Variants in CEP112 observed in about 807,000 individuals in gnomAD.
CEP112 encodes centrosomal protein of 112 kDa.
A neutral mutation model predicts 153.0 loss-of-function variants in CEP112; 127 were observed. The observed-to-expected ratio is 0.83, with a 90% confidence interval of 0.72 to 0.96. The LOEUF (loss-of-function observed/expected upper bound fraction) is 0.96, where lower values mean the gene tolerates loss of function less well. Among genes scored for constraint, CEP112 ranks in the 40% least tolerant of loss-of-function variants. CEP112 has a pLI of 0.00. For synonymous variants in CEP112, 358 were observed against 374.4 expected, an observed-to-expected ratio of 0.96 and a Z score of 0.51; for missense variants, 1,089 against 1,101.2, an observed-to-expected ratio of 0.99 and a Z score of 0.16.
chr17:65,638,935 C>A (rs751766522), intron 25 of CEP112, among the ~76,000 whole-genome samples: 2 of 152,166 alleles, frequency 1.3e-5, no homozygotes, highest in Middle Eastern at 6.8e-3. Context: ...CCTCTGAAGG[C>A]GTCAGGTCCT....
chr17:66,058,879 G>A (rs2066812734), intron 11 of CEP112, among the ~76,000 whole-genome samples: 1 of 151,804 alleles, frequency 6.6e-6, no homozygotes, highest in South Asian at 2.1e-4. Context: ...AAAGAACAAG[G>A]CCAGTGGGAA....
intron 17 of CEP112, among the ~76,000 whole-genome samples, chr17:65,986,776 G>A (rs2063424723): frequency 6.6e-6 from 1 of 152,102 alleles, no homozygotes; most frequent in African/African-American, 2.4e-5. Flanking sequence ...CCTAGAAACT[G>A]GGAACTTCAC....
intron 21 of CEP112, among the ~76,000 whole-genome samples, chr17:65,801,397 A>T (rs910049216): frequency 1.3e-5 from 2 of 152,220 alleles, no homozygotes; most frequent in Admixed American, 6.5e-5. Flanking sequence ...TTTGAAGTAC[A>T]AAAGTTTTTA....
At chr17:66,181,711 T>C (rs143679662) in intron 2 of CEP112, among the ~76,000 whole-genome samples, 1 of 152,244 alleles carries the variant, frequency 6.6e-6, no homozygotes, top group East Asian at 1.9e-4. Context: ...TTGAAATACA[T>C]TTACAATGAG....
chr17:66,089,759 T>A (rs2068067835), intron 8 of CEP112, among the ~76,000 whole-genome samples: 1 of 152,150 alleles, frequency 6.6e-6, no homozygotes, highest in Admixed American at 6.5e-5. Flanking sequence ...GTGTAGAAAG[T>A]TTATTTAAAC....
chr17:65,751,571 C>T lies in CEP112; in HGVS notation c.2395-847G>A, dbSNP rs113227617. Among the ~76,000 whole-genome samples, 929 of 152,228 alleles carry T rather than the reference C, an allele frequency of 6.1e-3. 12 individuals are homozygous for T. The highest frequency in any genetic ancestry group is 0.021 in the African/African-American group (871 of 41,528). On this transcript the variant is annotated intron_variant, in intron 21 of 26. Transcript: ENST00000535342. ...TCATGATTTCTCTCGTCTCTCTGTA[C>T]GTCTGTTTCTCTCCCTGAGTATGTC...
rs2068577353 is a variant in CEP112, at chr17:66,101,748, T to C, written c.643-5116A>G. Among the ~76,000 whole-genome samples, 2 of 152,090 alleles carry C rather than the reference T, an allele frequency of 1.3e-5. 1 individual carries two copies. The highest frequency in any genetic ancestry group is 4.1e-4 in the South Asian group (2 of 4,830). ...AGTCCAGTTAAATGGCAGTTTCTGATTACTGTATAGTTTAAATACATGCTG... is the reference window on the plus strand; with the variant it reads ...AGTCCAGTTAAATGGCAGTTTCTGACTACTGTATAGTTTAAATACATGCTG... On this transcript the variant is annotated intron_variant, in intron 6 of 26. Transcript: ENST00000535342.
intron 20 of CEP112, among the ~76,000 whole-genome samples, chr17:65,871,722 A>G (rs939150578): frequency 6.6e-6 from 1 of 152,338 alleles, no homozygotes; most frequent in African/African-American, 2.4e-5. Context: ...TTGGTGTTGA[A>G]TATCTCCAGG....
Position 65,659,199 on chromosome 17 carries a change from C to CAACTATATGTTGATATTTTAAAGCAA in CEP112, c.2698-18135_2698-18134insTTGCTTTAAAATATCAACATATAGTT, listed in dbSNP as rs1209804819. On this transcript the variant is annotated intron_variant, in intron 24 of 26. Transcript: ENST00000535342. ...TAATTTGTTGATAAACATATAGTTT[C>CAACTATATGTTGATATTTTAAAGCAA]CTATTTTAAAGCAAAACTTAAAAGA... Among the ~76,000 whole-genome samples, 4 of 152,080 alleles carry CAACTATATGTTGATATTTTAAAGCAA rather than the reference C, an allele frequency of 2.6e-5. No individual in the cohort carries two copies. The East Asian group carries it at 7.7e-4, about 29-fold the overall frequency.
intron 12 of CEP112, among the ~76,000 whole-genome samples, chr17:66,036,209 C>T (rs1203121899): frequency 6.6e-6 from 1 of 152,044 alleles, no homozygotes; most frequent in African/African-American, 2.4e-5. Flanking sequence ...AGGGGCTAGA[C>T]AGAATGGAAA....
intron 8 of CEP112, among the ~76,000 whole-genome samples, chr17:66,082,215 C>A (rs755470092): frequency 2.6e-5 from 4 of 151,990 alleles, no homozygotes; most frequent in African/African-American, 4.8e-5. Flanking sequence ...TGTCAAAAAG[C>A]CTTTCTTCAG....
chr17:65,932,263 T>G (rs907287361), intron 18 of CEP112, among the ~76,000 whole-genome samples: 1 of 152,080 alleles, frequency 6.6e-6, no homozygotes, highest in Non-Finnish European at 1.5e-5. Context: ...ATTGAAAGTG[T>G]CCATCCCCAC....
At chr17:66,026,157 G>A (rs997271521) in intron 16 of CEP112, among the ~76,000 whole-genome samples, 1 of 152,034 alleles carries the variant, frequency 6.6e-6, no homozygotes, top group Non-Finnish European at 1.5e-5. Flanking sequence ...GAGGGGACGA[G>A]GGATGAGAAA....
chr17:65,886,468 T>G (rs1001248892), intron 20 of CEP112, among the ~76,000 whole-genome samples: 2 of 152,218 alleles, frequency 1.3e-5, no homozygotes, highest in African/African-American at 4.8e-5. Context: ...CAGGCATATT[T>G]TTATACTTGG....
Position 65,795,878 on chromosome 17 carries a change from A to G in CEP112, c.2395-45154T>C, listed in dbSNP as rs191154779. On this transcript the variant is annotated intron_variant, in intron 21 of 26. Coordinates refer to ENST00000535342, the MANE Select transcript of CEP112 (RefSeq NM_001199165.4). ...ATTTTATTCCACTAAAAAATCTTCAATGGTGCCTAATCCACAAAAAATAAG... is the reference window on the plus strand; with the variant it reads ...ATTTTATTCCACTAAAAAATCTTCAGTGGTGCCTAATCCACAAAAAATAAG... Among the ~76,000 whole-genome samples the G allele has an allele frequency of 8.4e-4, 128 of 152,252 alleles. 1 individual carries two copies. The highest frequency in any genetic ancestry group is 2.7e-3 in the African/African-American group (114 of 41,562).
intron 24 of CEP112, among the ~76,000 whole-genome samples, chr17:65,642,641 T>C (rs1419573511): frequency 6.6e-6 from 1 of 152,204 alleles, no homozygotes; most frequent in Non-Finnish European, 1.5e-5. Context: ...TTCTCCTGTC[T>C]ACTGATTTTT....
intron 12 of CEP112, among the ~76,000 whole-genome samples, chr17:66,045,142 C>T (rs563944653): frequency 6.6e-6 from 1 of 152,122 alleles, no homozygotes; most frequent in South Asian, 2.1e-4. Flanking sequence ...GTGATTATAG[C>T]TCACTGCAGT....
intron 17 of CEP112, among the ~76,000 whole-genome samples, chr17:65,969,048 A>C (rs151273425): frequency 8.0e-5 from 12 of 150,360 alleles, no homozygotes; most frequent in Non-Finnish European, 1.5e-4. Flanking sequence ...TGATTAAGAC[A>C]TTATATCAGT....
chr17:65,984,850 T>A (rs1320809378), intron 17 of CEP112, among the ~76,000 whole-genome samples: 1 of 151,872 alleles, frequency 6.6e-6, no homozygotes, highest in Non-Finnish European at 1.5e-5. Context: ...TAATCTAGAG[T>A]AAGACAAGAG....
Sources: allele counts gnomAD v4.1 joint callset (sites outside exome capture counted in the v4.1 genomes callset), GRCh38; gene constraint gnomAD v4.1.1; transcripts MANE v1.5; gene names NCBI Gene and HGNC (gene_info 2026-07-23, HGNC 2026-07-21).